The following FAM20A variants were observed in gnomAD, a reference collection of about 807,000 sequenced individuals.
The protein encoded by FAM20A is pseudokinase FAM20A.
A neutral mutation model predicts 52.0 loss-of-function variants in FAM20A; 42 were observed. The ratio of observed to expected loss-of-function variants is 0.81; its 90% CI spans 0.63 to 1.04. The LOEUF (loss-of-function observed/expected upper bound fraction) is 1.04. Among genes scored for constraint, FAM20A ranks in the 50% least tolerant of loss-of-function variants. FAM20A has a pLI of 0.00. For missense variants in FAM20A, 742 were observed against 712.7 expected, an observed-to-expected ratio of 1.04 and a Z score of -0.47; for synonymous variants, 304 against 298.9, an observed-to-expected ratio of 1.02 and a Z score of -0.18.
chr17:68,540,918 T>A lies in FAM20A; in HGVS notation c.1150A>T (p.Ile384Phe), dbSNP rs541578930. 1 of 1,602,516 alleles carries A rather than the reference T, an allele frequency of 6.2e-7. No homozygotes were observed. The highest frequency in any genetic ancestry group is 8.5e-7 in the Non-Finnish European group (1 of 1,174,346). ...CGCTGGCTGTTGTTGTACGGGTAGA[T>A]CTGTTTCACTGTGTCACAGTAAAGG... ...NPLYCDTVKQ[I>F]YPYNNSQRLL... is the part of the protein sequence containing the mutation. The change falls in exon 8 of 11, where the codon ATC becomes TTC. Residue 384 changes from isoleucine to phenylalanine, a missense_variant. Physicochemically the swap from Ile to Phe is conservative, Grantham distance 21. Transcript: ENST00000592554.
chr17:68,554,023 CAT>C (rs1322296269), intron 3 of FAM20A, among the ~76,000 whole-genome samples: 1 of 101,244 alleles, frequency 9.9e-6, no homozygotes, highest in Non-Finnish European at 1.9e-5. Flanking sequence ...TACATATATA[CAT>C]ATATACACAC....
intron 1 of FAM20A, among the ~76,000 whole-genome samples, chr17:68,565,216 A>T (rs1255957330): frequency 6.6e-6 from 1 of 152,034 alleles, no homozygotes; most frequent in African/African-American, 2.4e-5. Context: ...ACAGTGGAGA[A>T]GTGGGGCAGT....
At chr17:68,570,119 A>G (rs1167032596) in intron 1 of FAM20A, among the ~76,000 whole-genome samples, 1 of 152,198 alleles carries the variant, frequency 6.6e-6, no homozygotes, top group Non-Finnish European at 1.5e-5. Flanking sequence ...TTTGTCGCCC[A>G]GGCTGGAGTG....
At chr17:68,557,782 C>G (rs550326894) in intron 1 of FAM20A, among the ~76,000 whole-genome samples, 2 of 152,186 alleles carry the variant, frequency 1.3e-5, no homozygotes, top group Non-Finnish European at 2.9e-5. Context: ...CCATTCATGG[C>G]GTTTTCCTTG....
rs1433086432 is a variant in FAM20A, at chr17:68,551,912, C to T, written c.680G>A (p.Arg227Lys). 1.9e-6 allele frequency: 3 copies of T among 1,591,668 alleles called. No homozygotes were observed. Among genetic ancestry groups the T allele is most frequent in the Admixed American group, 3.4e-5 (2 of 58,080 alleles). Residue 227 changes from arginine to lysine, a missense_variant, in exon 4 of 11, where the codon AGG becomes AAG. Physicochemically the swap from Arg to Lys is conservative, Grantham distance 26 (BLOSUM62 2). Coordinates refer to ENST00000592554, the MANE Select transcript of FAM20A (RefSeq NM_017565.4). ...PSGVHLKLVL[R>K]FSDFGKAMFK... ...CATGGCCTTCCCGAAATCCGAGAAC[C>T]TCAGCACCAGCTTGAGGTGGACCCC...
intron 7 of FAM20A, 72 bp from the exon 8 acceptor site, chr17:68,541,030 C>T: frequency 6.5e-7 from 1 of 1,545,504 alleles, no homozygotes; most frequent in Non-Finnish European, 8.7e-7. Context: ...CCCACACCTC[C>T]CCCTGCCCCC....
At chr17:68,558,399 TG>T in intron 1 of FAM20A, 1 of 413,164 alleles carries the variant, frequency 2.4e-6, no homozygotes, top group African/African-American at 2.0e-5. Flanking sequence ...GTGTTGAAGG[TG>T]GGGCCTGGTG....
chr17:68,539,310 CGTATTATCT>C lies in FAM20A; in HGVS notation c.1361+18_1361+26del. The C allele has an allele frequency of 1.2e-6, 2 of 1,613,058 alleles. No homozygotes were observed. The highest frequency in any genetic ancestry group is 1.7e-6 in the Non-Finnish European group (2 of 1,179,060). On this transcript the variant is annotated intron_variant, in intron 10 of 10. Transcript: ENST00000592554. ...TGAAGGGTCACAACTGTTACTTGCC[CGTATTATCT>C]GCTGCAGGAAAACTTACATGCAGCA...
intron 1 of FAM20A, chr17:68,590,352 G>C (rs2088269492): frequency 6.6e-6 from 1 of 152,178 alleles, no homozygotes; most frequent in Admixed American, 6.5e-5. Context: ...ACTGAGGCCT[G>C]GGGAAGAAAA....
Position 68,542,939 on chromosome 17 carries a change from C to G in FAM20A, c.813-130G>C. On this transcript the variant is annotated intron_variant, in intron 5 of 10. Transcript: ENST00000592554. Reference sequence around the variant, plus strand: ...GGAGGGTGGCCGGTGAGGCGTGACTCTGCACTGTTGAGCTGGTAGTGCCCA... The same window carrying G: ...GGAGGGTGGCCGGTGAGGCGTGACTGTGCACTGTTGAGCTGGTAGTGCCCA... 1.1e-5 allele frequency: 8 copies of G among 732,254 alleles called. 1 individual carries two copies. The South Asian group carries it at 1.1e-4, about 10-fold the overall frequency. 45.4% of individuals were successfully genotyped at this position (732,254 alleles called of 1,614,324 possible).
Position 68,539,937 on chromosome 17 carries a change from A to T in FAM20A, c.1249T>A (p.Phe417Ile). Residue 417 changes from phenylalanine to isoleucine, a missense_variant, in exon 9 of 11, where the codon TTC becomes ATC. Physicochemically the swap from Phe to Ile is conservative, Grantham distance 21. Coordinates refer to ENST00000592554, the MANE Select transcript of FAM20A (RefSeq NM_017565.4). The part of the protein sequence containing the change: ...GNMDRHHYEM[F>I]TKFGDDGFLI... ...AACCCATCATCCCCGAACTTGGTGA[A>T]CATCTCATAATGGTGCCGGTCCATA... 6.2e-7 allele frequency: 1 copy of T among 1,614,196 alleles called. No individual in the cohort carries two copies. The highest frequency in any genetic ancestry group is 1.1e-5 in the South Asian group (1 of 91,078).
chr17:68,551,246 T>G (rs2143654063), intron 4 of FAM20A: 9 of 765,496 alleles, frequency 1.2e-5, no homozygotes, highest in Non-Finnish European at 1.6e-5. Context: ...CACTCATCTC[T>G]ATGTTTCACA....
At chr17:68,555,777 C>T (rs752646354) in intron 1 of FAM20A, 34 bp from the exon 2 acceptor site, 2 of 1,612,378 alleles carry the variant, frequency 1.2e-6, no homozygotes, top group African/African-American at 1.3e-5. Context: ...ATTAGAGGAA[C>T]AAGAATGCAA....
At chr17:68,599,060 C>T (rs1157201012) in intron 1 of FAM20A, among the ~76,000 whole-genome samples, 3 of 152,184 alleles carry the variant, frequency 2.0e-5, no homozygotes, top group Non-Finnish European at 4.4e-5. Flanking sequence ...TACTGAAATT[C>T]ACCACAGTGA....
intron 1 of FAM20A, 149 bp from the exon 2 acceptor site, chr17:68,555,892 A>C (rs1430674184): frequency 8.9e-6 from 9 of 1,007,366 alleles, no homozygotes; most frequent in South Asian, 1.4e-5. Flanking sequence ...TGTGCTTAGG[A>C]TATCTTGGGG....
rs1373165038 is a variant in FAM20A at position 68,536,106 on chromosome 17, C to T, written c.*1371G>A. 2.2e-6 allele frequency: 1 copy of T among 454,072 alleles called. No homozygotes were observed. 28.1% of individuals were successfully genotyped at this position (454,072 alleles called of 1,614,324 possible). On this transcript the variant is annotated 3_prime_UTR_variant, in exon 11 of 11. Coordinates refer to ENST00000592554, the MANE Select transcript of FAM20A (RefSeq NM_017565.4). ...GACACAAAGTCCAGGGGCAGCATAC[C>T]AGTCATGTGGGGGTACCACGGGGTC...
chr17:68,563,134 C>T (rs1029184508), intron 1 of FAM20A, among the ~76,000 whole-genome samples: 2 of 152,146 alleles, frequency 1.3e-5, no homozygotes, highest in Non-Finnish European at 2.9e-5. Context: ...ACCTGGAATC[C>T]CAGCACTTTG....
chr17:68,570,864 G>C (rs1350910209), intron 1 of FAM20A, among the ~76,000 whole-genome samples: 1 of 152,162 alleles, frequency 6.6e-6, no homozygotes, highest in Non-Finnish European at 1.5e-5. Context: ...TTTCTGTTTT[G>C]AGAGCTCATA....
Position 68,542,126 on chromosome 17 carries a change from C to G in FAM20A, c.968G>C (p.Cys323Ser), listed in dbSNP as rs1191865151. The G allele has an allele frequency of 6.2e-7, 1 of 1,614,076 alleles. No homozygotes were observed. Among genetic ancestry groups the G allele is most frequent in the African/African-American group, 1.3e-5 (1 of 75,034 alleles). ...GCCACAGACAGCATACTCCGTCTTG[C>G]ACATGTATGGACACTTGGCGAAGAA... ...VCFFAKCPYM[C>S]KTEYAVCGNP... The change falls in exon 7 of 11, where the codon TGC becomes TCC. Residue 323 changes from cysteine to serine, a missense_variant. Physicochemically the swap from Cys to Ser is moderately radical, Grantham distance 112. Coordinates refer to ENST00000592554, the MANE Select transcript of FAM20A (RefSeq NM_017565.4).
Sources: gnomAD v4.1 joint callset for allele counts (sites outside exome capture counted in the v4.1 genomes callset) on GRCh38, gnomAD v4.1.1 for gene constraint, MANE v1.5 for transcripts, NCBI Gene and HGNC (gene_info 2026-07-23, HGNC 2026-07-21) for gene names.